The following PTPRG variants were observed in gnomAD, a reference collection of about 807,000 sequenced individuals.
The protein encoded by PTPRG is protein tyrosine phosphatase receptor type G.
Under a neutral mutation model 165.3 loss-of-function variants are expected in PTPRG, and 102 were observed. That is an observed-to-expected ratio of 0.62 (90% CI 0.53 to 0.73). PTPRG has a LOEUF of 0.73. Among genes scored for constraint, PTPRG ranks in the 30% least tolerant of loss-of-function variants. The probability of loss-of-function intolerance (pLI) is 0.00; values close to 1 mark genes in which losing one functional copy is unlikely to be tolerated. For missense variants in PTPRG, 1,866 were observed against 1,861.4 expected, an observed-to-expected ratio of 1.00 and a Z score of -0.05; for synonymous variants, 675 against 669.5, an observed-to-expected ratio of 1.01 and a Z score of -0.13.
At chr3:62,088,208 G>A (rs568383042) in intron 5 of PTPRG, among the ~76,000 whole-genome samples, 1 of 152,184 alleles carries the variant, frequency 6.6e-6, no homozygotes, top group Non-Finnish European at 1.5e-5. Context: ...GAGTGCCCAG[G>A]AACGCTGCTG....
intron 2 of PTPRG, among the ~76,000 whole-genome samples, chr3:61,828,374 T>C (rs1164074988): frequency 6.6e-6 from 1 of 152,212 alleles, no homozygotes; most frequent in African/African-American, 2.4e-5. Flanking sequence ...AACTATAACA[T>C]ACCAGGCATA....
chr3:62,028,214 A>G (rs1274170727), intron 4 of PTPRG, among the ~76,000 whole-genome samples: 1 of 152,190 alleles, frequency 6.6e-6, no homozygotes, highest in East Asian at 1.9e-4. Context: ...TTTGAAAGGT[A>G]TGCATTTTTT....
chr3:61,662,979 T>G (rs909648316), intron 1 of PTPRG, among the ~76,000 whole-genome samples: 2 of 152,084 alleles, frequency 1.3e-5, no homozygotes, highest in Non-Finnish European at 2.9e-5. Flanking sequence ...TTTCTTTAGT[T>G]TTCACAACCA....
chr3:62,030,085 T>C (rs1303501076), intron 4 of PTPRG, among the ~76,000 whole-genome samples: 2 of 152,208 alleles, frequency 1.3e-5, no homozygotes, highest in Admixed American at 6.5e-5. Flanking sequence ...AAGTTTTAAA[T>C]TGCATGAGGC....
chr3:62,220,629 A>G (rs373593020), intron 13 of PTPRG, among the ~76,000 whole-genome samples: 8 of 152,140 alleles, frequency 5.3e-5, no homozygotes, highest in African/African-American at 1.7e-4. Context: ...TTTATGAAGT[A>G]TGTTGTATTT....
intron 2 of PTPRG, among the ~76,000 whole-genome samples, chr3:61,976,783 TC>T (rs1417387042): frequency 6.6e-6 from 1 of 151,944 alleles, no homozygotes; most frequent in African/African-American, 2.4e-5. Context: ...CAAGCAATTT[TC>T]CTTGCCTCAG....
chr3:61,724,378 G>C (rs538142340), intron 1 of PTPRG, among the ~76,000 whole-genome samples: 1 of 152,122 alleles, frequency 6.6e-6, no homozygotes, highest in Admixed American at 6.5e-5. Context: ...CACCACAGTT[G>C]GTTTAATCTT....
At chr3:62,288,082 T>G (rs1434956711) in intron 28 of PTPRG, among the ~76,000 whole-genome samples, 1 of 147,034 alleles carries the variant, frequency 6.8e-6, no homozygotes, top group Non-Finnish European at 1.5e-5. Flanking sequence ...TGTCTAAAAC[T>G]AAATGATGAT....
intron 1 of PTPRG, among the ~76,000 whole-genome samples, chr3:61,714,707 C>T (rs987723455): frequency 6.6e-6 from 1 of 152,154 alleles, no homozygotes; most frequent in Non-Finnish European, 1.5e-5. Flanking sequence ...GCTCCTTCCA[C>T]CAGGAGGGCT....
chr3:61,871,462 T>C (rs545433243), intron 2 of PTPRG, among the ~76,000 whole-genome samples: 1 of 152,182 alleles, frequency 6.6e-6, no homozygotes, highest in South Asian at 2.1e-4. Flanking sequence ...CCTTGGCTTC[T>C]CAACATGCTG....
chr3:61,705,963 T>C (rs1342444987), intron 1 of PTPRG, among the ~76,000 whole-genome samples: 2 of 152,204 alleles, frequency 1.3e-5, no homozygotes, highest in African/African-American at 2.4e-5. Flanking sequence ...CATCTGCTTC[T>C]TGTTTCATAT....
At position 62,269,124 on chromosome 3, in the gene PTPRG, C is replaced by G. The variant is rs566944160; in HGVS notation, c.2964C>G (p.Cys988Trp). 6.2e-7 allele frequency: 1 copy of G among 1,601,622 alleles called. No homozygotes were observed. The highest frequency in any genetic ancestry group is 8.5e-7 in the Non-Finnish European group (1 of 1,170,928). Residue 988 changes from cysteine to tryptophan, a missense_variant, in exon 20 of 30, where the codon TGC (cysteine) becomes TGG (tryptophan). By Grantham distance (215) the Cys-to-Trp change is radical (BLOSUM62 -2). Coordinates refer to ENST00000474889, the MANE Select transcript of PTPRG (RefSeq NM_002841.4). Reference sequence around the variant, plus strand: ...TGAAGAGCACAAAAATACATGCCTGCTACACTGTTCGTCGTTTTTCAATCA... The same window carrying G: ...TGAAGAGCACAAAAATACATGCCTGGTACACTGTTCGTCGTTTTTCAATCA... ...VTLKSTKIHA[C>W]YTVRRFSIRN...
intron 2 of PTPRG, among the ~76,000 whole-genome samples, chr3:61,792,931 G>A (rs1324848469): frequency 2.0e-5 from 3 of 152,060 alleles, no homozygotes; most frequent in Admixed American, 6.6e-5. Context: ...GTTTCACCAT[G>A]TTGGCCAGGA....
intron 2 of PTPRG, among the ~76,000 whole-genome samples, chr3:61,903,593 G>C (rs974950541): frequency 6.6e-6 from 1 of 152,038 alleles, no homozygotes; most frequent in South Asian, 2.1e-4. Context: ...AGGCTGGTCT[G>C]GAACTCCTGA....
chr3:62,287,451 T>C (rs2148897836), intron 28 of PTPRG, among the ~76,000 whole-genome samples: 1 of 152,156 alleles, frequency 6.6e-6, no homozygotes, highest in African/African-American at 2.4e-5. Context: ...ATGAAGAACA[T>C]TTATTATGAA....
In PTPRG at chr3:62,271,424, A is replaced by G. The variant is rs1702058253; in HGVS notation, c.3051A>G (p.Val1017=). 6.2e-7 allele frequency: 1 copy of G among 1,612,874 alleles called. No homozygotes were observed. Among genetic ancestry groups the G allele is most frequent in the Non-Finnish European group, 8.5e-7 (1 of 1,179,264 alleles). The change falls in exon 21 of 30, where the codon GTA becomes GTG. Residue 1017 remains valine (V), a synonymous_variant. Coordinates refer to ENST00000474889, the MANE Select transcript of PTPRG (RefSeq NM_002841.4). The surrounding 1 kb of genome is among the most constrained non-coding windows in gnomAD (Gnocchi z 4.1). ...GNPKGRQNER[V]VIQYHYTQWP... Reference sequence around the variant, plus strand: ...CCAAGGGTCGTCAGAATGAAAGGGTAGTGATCCAGTATCACTATACACAGT... The same window carrying G: ...CCAAGGGTCGTCAGAATGAAAGGGTGGTGATCCAGTATCACTATACACAGT...
intron 2 of PTPRG, among the ~76,000 whole-genome samples, chr3:61,868,220 G>A (rs1405870512): frequency 1.3e-5 from 2 of 152,198 alleles, no homozygotes; most frequent in Non-Finnish European, 2.9e-5. Context: ...GCTCTATGCA[G>A]TGGACCCTGT....
chr3:62,079,455 T>A (rs189804136), intron 5 of PTPRG, among the ~76,000 whole-genome samples: 3 of 152,144 alleles, frequency 2.0e-5, no homozygotes, highest in African/African-American at 7.2e-5. Flanking sequence ...TAAAATAATA[T>A]AGAATAGGAA....
intron 2 of PTPRG, among the ~76,000 whole-genome samples, chr3:61,752,231 G>T (rs933166488): frequency 6.6e-6 from 1 of 152,116 alleles, no homozygotes; most frequent in Non-Finnish European, 1.5e-5. Context: ...GGGCATGAGG[G>T]TTAAGCAGAC....
Sources: allele counts gnomAD v4.1 joint callset (sites outside exome capture counted in the v4.1 genomes callset), GRCh38; gene constraint gnomAD v4.1.1; non-coding constraint Gnocchi (gnomAD v3.1); transcripts MANE v1.5; gene names NCBI Gene and HGNC (gene_info 2026-07-23, HGNC 2026-07-21).